NEK11: variants seen among roughly 807,000 people sequenced by gnomAD.
NEK11 encodes the protein serine/threonine-protein kinase Nek11.
In NEK11, 72 loss-of-function variants were observed where a neutral mutation model predicts 80.7. That is an observed-to-expected ratio of 0.89 (90% CI 0.74 to 1.08). The LOEUF is 1.08. NEK11 is among the 50% of genes least tolerant of loss of function. The probability of loss-of-function intolerance (pLI) is 0.00; values close to 1 mark genes in which losing one functional copy is unlikely to be tolerated. For synonymous variants in NEK11, 251 were observed against 260.7 expected, an observed-to-expected ratio of 0.96 and a Z score of 0.36; for missense variants, 764 against 763.6, an observed-to-expected ratio of 1.00 and a Z score of -0.01.
chr3:131,044,952 C>T (rs1229405288), intron 3 of NEK11, among the ~76,000 whole-genome samples: 1 of 152,118 alleles, frequency 6.6e-6, no homozygotes, highest in Non-Finnish European at 1.5e-5. Context: ...CAAATTAGAA[C>T]TCAGGATTAA....
Position 131,158,601 on chromosome 3 carries a change from T to C in NEK11, c.962+3480T>C, listed in dbSNP as rs183516612. On this transcript the variant is annotated intron_variant, in intron 10 of 17. Transcript: ENST00000383366. Reference sequence around the variant, plus strand: ...CATGCACAGAGGTTGCACACAGACCTATGCCCACAAGTGCTGCACCCTGTG... The same window carrying C: ...CATGCACAGAGGTTGCACACAGACCCATGCCCACAAGTGCTGCACCCTGTG... Among the ~76,000 whole-genome samples, 504 of 152,262 alleles carry C rather than the reference T, an allele frequency of 3.3e-3. 8 individuals are homozygous for C. The highest frequency in any genetic ancestry group is 0.011 in the African/African-American group (462 of 41,550).
intron 15 of NEK11, among the ~76,000 whole-genome samples, chr3:131,237,568 T>C (rs932991214): frequency 6.6e-5 from 10 of 152,230 alleles, no homozygotes; most frequent in Non-Finnish European, 1.5e-4. Flanking sequence ...ACTCTAGACT[T>C]ACATATCCAG....
intron 14 of NEK11, among the ~76,000 whole-genome samples, chr3:131,171,850 C>A (rs1053953964): frequency 6.6e-6 from 1 of 152,166 alleles, no homozygotes; most frequent in East Asian, 1.9e-4. Context: ...ATAAATATTT[C>A]TTGAGTGAAT....
At chr3:131,123,651 A>G (rs1456640036) in intron 5 of NEK11, among the ~76,000 whole-genome samples, 2 of 151,914 alleles carry the variant, frequency 1.3e-5, no homozygotes, top group Admixed American at 6.6e-5. Flanking sequence ...AGGCCTATCA[A>G]TGTATTATTT....
chr3:131,229,509 C>T (rs1422326940), intron 15 of NEK11, among the ~76,000 whole-genome samples: 1 of 151,904 alleles, frequency 6.6e-6, no homozygotes, highest in Non-Finnish European at 1.5e-5. Flanking sequence ...CCAAAGGGCA[C>T]CTGAGTGAAG....
chr3:131,154,451 A>G (rs1297488262), intron 9 of NEK11, among the ~76,000 whole-genome samples: 1 of 152,202 alleles, frequency 6.6e-6, no homozygotes, highest in East Asian at 1.9e-4. Context: ...CAAGATATTA[A>G]CACTTTAAAG....
chr3:131,217,679 C>T (rs564785784), intron 14 of NEK11, among the ~76,000 whole-genome samples: 5 of 152,264 alleles, frequency 3.3e-5, no homozygotes, highest in Admixed American at 3.3e-4. Context: ...CTCTCTTTCC[C>T]TCCACCTTTC....
chr3:131,265,493 T>C (rs1302892277), intron 16 of NEK11, among the ~76,000 whole-genome samples: 1 of 152,196 alleles, frequency 6.6e-6, no homozygotes. Flanking sequence ...TTGTCATTTG[T>C]TCTGTTTAAG....
At chr3:131,301,207 C>G (rs1184327902) in intron 17 of NEK11, among the ~76,000 whole-genome samples, 1 of 152,060 alleles carries the variant, frequency 6.6e-6, no homozygotes, top group East Asian at 1.9e-4. Flanking sequence ...AGAAATGCTA[C>G]TGATTTTTGT....
intron 16 of NEK11, among the ~76,000 whole-genome samples, chr3:131,268,216 T>C (rs2096102015): frequency 1.3e-5 from 2 of 152,216 alleles, no homozygotes; most frequent in South Asian, 4.1e-4. Context: ...GGTTAGAACA[T>C]GCTTTTTTAG....
intron 4 of NEK11, among the ~76,000 whole-genome samples, chr3:131,102,520 T>C (rs561637404): frequency 6.6e-6 from 1 of 152,344 alleles, no homozygotes; most frequent in South Asian, 2.1e-4. Flanking sequence ...CTCTTCTGGC[T>C]TGTAAGGTTT....
rs1293110173 is a variant in NEK11, at chr3:131,350,395, C to T, written c.*619C>T. 6.6e-6 allele frequency: 1 copy of T among 152,158 alleles called. No homozygotes were observed. Among genetic ancestry groups the T allele is most frequent in the African/African-American group, 2.4e-5 (1 of 41,440 alleles). The allele number at this position is 152,158 out of a possible 1,614,324, so 9.4% of individuals were successfully genotyped here. A position where few individuals can be genotyped will look rare whatever the true frequency, so the allele number is the denominator to read the frequency against. On this transcript the variant is annotated 3_prime_UTR_variant, in exon 18 of 18. Transcript: ENST00000383366. ...ATTTCAAACTCATCCATAGATAATT[C>T]AAGATTTGTATTCAAAATAAACATA...
At chr3:131,294,151 A>T (rs2096570758) in intron 17 of NEK11, among the ~76,000 whole-genome samples, 1 of 152,018 alleles carries the variant, frequency 6.6e-6, no homozygotes, top group Non-Finnish European at 1.5e-5. Flanking sequence ...TAAGGTAGAA[A>T]CTTAGATTAT....
intron 14 of NEK11, among the ~76,000 whole-genome samples, chr3:131,227,294 A>C (rs1329627897): frequency 6.6e-6 from 1 of 152,160 alleles, no homozygotes; most frequent in Non-Finnish European, 1.5e-5. Context: ...TCTTACTTTC[A>C]AAGGATTCTG....
chr3:131,157,003 G>A (rs533640251), intron 10 of NEK11, among the ~76,000 whole-genome samples: 2 of 151,532 alleles, frequency 1.3e-5, no homozygotes, highest in South Asian at 4.2e-4. Flanking sequence ...AGGAGGATGA[G>A]GCAAGTGAGG....
chr3:131,251,996 T>C (rs1026361206), intron 16 of NEK11, among the ~76,000 whole-genome samples: 1 of 152,116 alleles, frequency 6.6e-6, no homozygotes, highest in Non-Finnish European at 1.5e-5. Flanking sequence ...ATAGAAATCA[T>C]GAAGACAATC....
chr3:131,115,137 G>A (rs571226448), intron 5 of NEK11, among the ~76,000 whole-genome samples: 1 of 152,160 alleles, frequency 6.6e-6, no homozygotes, highest in Non-Finnish European at 1.5e-5. Context: ...CCAATCCCTT[G>A]ATGGCTTGAA....
At chr3:131,274,325 A>G (rs1374476118) in intron 17 of NEK11, among the ~76,000 whole-genome samples, 4 of 146,370 alleles carry the variant, frequency 2.7e-5, no homozygotes, top group Non-Finnish European at 5.9e-5. Flanking sequence ...TCCATGGTGT[A>G]TATGTGCCAC....
At chr3:131,193,230 G>A (rs2093871586) in intron 14 of NEK11, among the ~76,000 whole-genome samples, 1 of 152,138 alleles carries the variant, frequency 6.6e-6, no homozygotes, top group South Asian at 2.1e-4. Context: ...AGAGAAGGCA[G>A]TGGTAGTCTC....
Sources: allele counts gnomAD v4.1 joint callset (sites outside exome capture counted in the v4.1 genomes callset), GRCh38; gene constraint gnomAD v4.1.1; transcripts MANE v1.5; gene names NCBI Gene and HGNC (gene_info 2026-07-23, HGNC 2026-07-21).